TMEM50B: variants seen among roughly 807,000 people sequenced by gnomAD.
The protein encoded by TMEM50B is transmembrane protein 50B.
In TMEM50B, 14 loss-of-function variants were observed where a neutral mutation model predicts 23.4. The observed-to-expected ratio is 0.60, with a 90% CI of 0.39 to 0.93. TMEM50B has a LOEUF of 0.93. Among genes scored for constraint, TMEM50B ranks in the 40% least tolerant of loss-of-function variants. The pLI is 0.00. For missense variants in TMEM50B, 159 were observed against 193.0 expected, an observed-to-expected ratio of 0.82 and a Z score of 1.04; for synonymous variants, 64 against 62.3, an observed-to-expected ratio of 1.03 and a Z score of -0.13.
At chr21:33,473,458 A>G (rs1159892774) in intron 1 of TMEM50B, among the ~76,000 whole-genome samples, 7 of 63,414 alleles carry the variant, frequency 1.1e-4, no homozygotes, top group East Asian at 7.2e-4. Context: ...GTCTCGGAAG[A>G]AAAAAAAAAA....
chr21:33,468,842 C>T lies in TMEM50B; in HGVS notation c.44G>A (p.Cys15Tyr), dbSNP rs2084287738. 3 of 1,613,840 alleles carry T rather than the reference C, an allele frequency of 1.9e-6. No homozygotes were observed. Among genetic ancestry groups the T allele is most frequent in the African/African-American group, 1.3e-5 (1 of 74,898 alleles). Residue 15 changes from cysteine to tyrosine, a missense_variant, in exon 2 of 7, where the codon TGT (cysteine) becomes TAT (tyrosine). Cys to Tyr is a radical substitution (Grantham distance 194). Coordinates refer to ENST00000542230, the MANE Select transcript of TMEM50B (RefSeq NM_006134.7). ...LDNFRWPECE[C>Y]IDWSERRNAV... is the part of the protein sequence containing the mutation. ...ATTTCTTCTCTCACTCCAGTCAATA[C>T]ATTCACATTCTGGCCAACGAAAATT... is the stretch of plus-strand genomic sequence containing the variant.
chr21:33,455,722 C>CT lies in TMEM50B; in HGVS notation c.431+4dup. The CT allele has an allele frequency of 6.2e-7, 1 of 1,612,382 alleles. No individual in the cohort carries two copies. The highest frequency in any genetic ancestry group is 8.5e-7 in the Non-Finnish European group (1 of 1,178,596). On this transcript the variant is annotated splice_donor_region_variant and intron_variant, in intron 6 of 6. Coordinates refer to ENST00000542230, the MANE Select transcript of TMEM50B (RefSeq NM_006134.7). ...CAGGCGTGGTTAAAAAATAAGGCAACTTACCTAAAAAATATAAGTGCATTT... is the reference window on the plus strand; with the variant it reads ...CAGGCGTGGTTAAAAAATAAGGCAACTTTACCTAAAAAATATAAGTGCATTT...
intron 8 of TMEM50B, chr21:33,436,994 T>G: frequency 6.2e-7 from 1 of 1,612,440 alleles, no homozygotes; most frequent in Non-Finnish European, 8.5e-7. Flanking sequence ...ACTGGCTCCC[T>G]GGAAGAGATC....
Position 33,465,414 on chromosome 21 carries a change from A to G in TMEM50B, c.213-5T>C. On this transcript the variant is annotated splice_polypyrimidine_tract_variant and splice_region_variant and intron_variant, in intron 3 of 6. Transcript: ENST00000542230. Reference sequence around the variant, plus strand: ...GCATTGGATACAGCATTTATCCTAGAACGGCACAAAATCATCAAATGAATT... The same window carrying G: ...GCATTGGATACAGCATTTATCCTAGGACGGCACAAAATCATCAAATGAATT... The G allele has an allele frequency of 6.2e-7, 1 of 1,606,838 alleles. No individual in the cohort carries two copies. Among genetic ancestry groups the G allele is most frequent in the African/African-American group, 1.3e-5 (1 of 74,870 alleles).
intron 3 of TMEM50B, 50 bp from the exon 4 acceptor site, chr21:33,465,459 T>C (rs368969411): frequency 1.6e-5 from 22 of 1,402,710 alleles, no homozygotes; most frequent in Non-Finnish European, 2.0e-5. Flanking sequence ...GCTGTTAAAA[T>C]ACTCAAATAT....
chr21:33,470,551 G>A (rs1030261696), intron 1 of TMEM50B, among the ~76,000 whole-genome samples: 2 of 150,562 alleles, frequency 1.3e-5, no homozygotes, highest in Admixed American at 6.6e-5. Context: ...CTAACATGGT[G>A]AAACCCCGTC....
chr21:33,442,773 T>C (rs1406113865), intron 7 of TMEM50B, among the ~76,000 whole-genome samples: 1 of 151,934 alleles, frequency 6.6e-6, no homozygotes, highest in African/African-American at 2.4e-5. Context: ...ATACAAAAAT[T>C]AGCCAGGCAT....
intron 8 of TMEM50B, among the ~76,000 whole-genome samples, chr21:33,435,247 CTGCT>C (rs765048009): frequency 1.1e-4 from 16 of 152,200 alleles, no homozygotes; most frequent in Non-Finnish European, 1.6e-4. Context: ...CCCAGATTCT[CTGCT>C]TGCTGTGCGC....
intron 4 of TMEM50B, among the ~76,000 whole-genome samples, chr21:33,463,646 T>C (rs1052670605): frequency 6.6e-6 from 1 of 152,176 alleles, no homozygotes; most frequent in Non-Finnish European, 1.5e-5. Context: ...TGGTGGCTCA[T>C]GCCTGCAATC....
chr21:33,476,773 A>AC (rs1341408560), intron 1 of TMEM50B, among the ~76,000 whole-genome samples: 168 of 151,722 alleles, frequency 1.1e-3, no homozygotes, highest in Middle Eastern at 3.4e-3. Context: ...AAAAAAAAAA[A>AC]AAAAAACAAC....
intron 8 of TMEM50B, chr21:33,432,964 C>T: frequency 9.6e-7 from 1 of 1,038,510 alleles, no homozygotes; most frequent in Non-Finnish European, 1.4e-6. Context: ...CTGCTCACTG[C>T]AGCCTCCATC....
Position 33,460,439 on chromosome 21 carries a change from AT to A in TMEM50B, c.346del (p.Ile116PhefsTer17). The A allele has an allele frequency of 1.2e-6, 2 of 1,611,104 alleles. No homozygotes were observed. The highest frequency in any genetic ancestry group is 1.7e-6 in the Non-Finnish European group (2 of 1,178,468). ...TTGGGTAACATATGCACCAAAAAGA[AT>A]CCACATGGAAGCAATAAGTGACCCA... is the stretch of plus-strand genomic sequence containing the variant. Reference protein sequence around the residue: ...MFGSLIASMWILFGAYVTQNT... With the variant: ...MFGSLIASMWXLFGAYVTQNT... On this transcript the variant is annotated frameshift_variant, in exon 5 of 7. Transcript: ENST00000542230. LOFTEE classifies it high-confidence loss of function.
chr21:33,447,511 C>G (rs2084073752), downstream of TMEM50B, among the ~76,000 whole-genome samples: 1 of 152,094 alleles, frequency 6.6e-6, no homozygotes, highest in Admixed American at 6.6e-5. Flanking sequence ...GAAAACCCTT[C>G]CACTGGGGAA....
chr21:33,461,965 G>A (rs1377757908), intron 4 of TMEM50B, among the ~76,000 whole-genome samples: 1 of 152,018 alleles, frequency 6.6e-6, no homozygotes, highest in Non-Finnish European at 1.5e-5. Flanking sequence ...AAAGAAGTAT[G>A]CTTTTGTTTA....
At chr21:33,478,851 A>G (rs2084398908) in intron 1 of TMEM50B, 1 of 471,028 alleles carries the variant, frequency 2.1e-6, no homozygotes, top group Admixed American at 2.3e-5. Context: ...CTGAGAGTTC[A>G]GAGCCTCTGA....
chr21:33,434,833 A>C (rs985752064), intron 8 of TMEM50B, among the ~76,000 whole-genome samples: 5 of 152,048 alleles, frequency 3.3e-5, no homozygotes, highest in Non-Finnish European at 7.4e-5. Flanking sequence ...TGCAGTAATA[A>C]TCTCTCTCTC....
chr21:33,476,588 C>T (rs1457217759), intron 1 of TMEM50B, among the ~76,000 whole-genome samples: 1 of 151,352 alleles, frequency 6.6e-6, no homozygotes, highest in Non-Finnish European at 1.5e-5. Flanking sequence ...GATGAAACCC[C>T]GTCTCTACTA....
At chr21:33,477,805 C>T (rs891312415) in intron 1 of TMEM50B, among the ~76,000 whole-genome samples, 1 of 147,046 alleles carries the variant, frequency 6.8e-6, no homozygotes, top group Non-Finnish European at 1.5e-5. Context: ...GAGCAAAACT[C>T]GGCCTCAAAA....
intron 1 of TMEM50B, chr21:33,479,120 A>G: frequency 4.1e-6 from 1 of 246,266 alleles, no homozygotes; most frequent in Non-Finnish European, 8.3e-6. Context: ...TTAGAATTTC[A>G]GCACCTTCCA....
Sources: allele counts gnomAD v4.1 joint callset (sites outside exome capture counted in the v4.1 genomes callset), GRCh38; gene constraint gnomAD v4.1.1; transcripts MANE v1.5; gene names NCBI Gene and HGNC (gene_info 2026-07-23, HGNC 2026-07-21).